PTPN13: variants seen among roughly 807,000 people sequenced by gnomAD.
The protein encoded by PTPN13 is protein tyrosine phosphatase non-receptor type 13.
Under a neutral mutation model 284.0 loss-of-function variants are expected in PTPN13, and 191 were observed. The observed-to-expected ratio is 0.67, with a 90% CI of 0.60 to 0.76. The LOEUF (loss-of-function observed/expected upper bound fraction) is 0.76, where lower values mean the gene tolerates loss of function less well. Ranked by LOEUF, PTPN13 falls within the 30% of genes least tolerant of loss-of-function variation. The probability of loss-of-function intolerance (pLI) is 0.00; values close to 1 mark genes in which losing one functional copy is unlikely to be tolerated. For missense variants in PTPN13, 2,797 were observed against 2,939.9 expected (o/e 0.95, Z 1.12); for synonymous variants, 986 against 1,022.3 (o/e 0.96, Z 0.68).
intron 7 of PTPN13, among the ~76,000 whole-genome samples, chr4:86,706,047 C>G (rs894764370): frequency 6.6e-6 from 1 of 152,150 alleles, no homozygotes; most frequent in African/African-American, 2.4e-5. Flanking sequence ...TCAGCATTTC[C>G]CCAGCTAACA....
intron 1 of PTPN13, among the ~76,000 whole-genome samples, chr4:86,602,354 T>C (rs1171779529): frequency 1.3e-5 from 2 of 152,146 alleles, no homozygotes; most frequent in African/African-American, 4.8e-5. Context: ...AAGCCTACTT[T>C]ATGGGATTGT....
intron 16 of PTPN13, 120 bp from the exon 17 acceptor site, chr4:86,744,846 A>C: frequency 1.3e-6 from 1 of 756,716 alleles, no homozygotes; most frequent in South Asian, 2.2e-5. Flanking sequence ...TTGTTAAGTG[A>C]TGCATGACTA....
chr4:86,668,547 A>C lies in PTPN13; in HGVS notation c.116-3818A>C, dbSNP rs1158765392. ...TCTTTAACTTTATTACAAGCCATTT[A>C]AAAAATCACATTTGAAAATATTTGT... On this transcript the variant is annotated intron_variant, in intron 2 of 47. Transcript: ENST00000411767. Among the ~76,000 whole-genome samples, 5 of 152,222 alleles carry C rather than the reference A, an allele frequency of 3.3e-5. No individual in the cohort carries two copies. The South Asian group carries it at 8.3e-4, about 25-fold the overall frequency.
intron 1 of PTPN13, among the ~76,000 whole-genome samples, chr4:86,613,752 A>G (rs957576351): frequency 2.6e-5 from 4 of 151,996 alleles, no homozygotes; most frequent in African/African-American, 4.8e-5. Flanking sequence ...TCTTTTTTGC[A>G]TCGCTAGACA....
intron 2 of PTPN13, among the ~76,000 whole-genome samples, chr4:86,638,249 C>A (rs1479641109): frequency 3.3e-5 from 5 of 152,140 alleles, no homozygotes; most frequent in Non-Finnish European, 5.9e-5. Flanking sequence ...AATGGCCATA[C>A]TGCCCAAGGT....
At chr4:86,723,884 T>C (rs1733940779) in intron 10 of PTPN13, among the ~76,000 whole-genome samples, 1 of 152,230 alleles carries the variant, frequency 6.6e-6, no homozygotes, top group Non-Finnish European at 1.5e-5. Flanking sequence ...GAAATTGTAT[T>C]ACCCTATACT....
chr4:86,694,360 C>G (rs958768605), intron 6 of PTPN13, among the ~76,000 whole-genome samples: 2 of 151,672 alleles, frequency 1.3e-5, no homozygotes, highest in African/African-American at 4.8e-5. Flanking sequence ...GTGGGCGGAT[C>G]ACCTGAGGTC....
At chr4:86,612,986 G>A (rs1163688528) in intron 1 of PTPN13, among the ~76,000 whole-genome samples, 1 of 152,096 alleles carries the variant, frequency 6.6e-6, no homozygotes, top group African/African-American at 2.4e-5. Context: ...AGTTGTTCAG[G>A]CAGTAGGGTA....
chr4:86,807,872 G>A lies in PTPN13; in HGVS notation c.7058G>A (p.Arg2353Lys). Reference sequence around the variant, plus strand: ...CAGCAGCTGAAGGGCTTTGTGGTGAGGGCAATGACCCTTGAAGATATTCAG... The same window carrying A: ...CAGCAGCTGAAGGGCTTTGTGGTGAAGGCAATGACCCTTGAAGATATTCAG... Reference protein sequence around the residue: ...RMQQLKGFVVRAMTLEDIQTR... With the variant: ...RMQQLKGFVVKAMTLEDIQTR... The change falls in exon 45 of 48, where the codon AGG becomes AAG. Residue 2353 changes from arginine (R) to lysine (K), a missense_variant. Arg to Lys is a conservative substitution (Grantham distance 26). Transcript: ENST00000411767. The A allele has an allele frequency of 6.2e-7, 1 of 1,613,468 alleles. No individual in the cohort carries two copies. Among genetic ancestry groups the A allele is most frequent in the Non-Finnish European group, 8.5e-7 (1 of 1,179,586 alleles).
intron 20 of PTPN13, among the ~76,000 whole-genome samples, chr4:86,754,554 G>T (rs1737761697): frequency 6.6e-6 from 1 of 151,960 alleles, no homozygotes; most frequent in South Asian, 2.1e-4. Context: ...AGGTCACAAA[G>T]TTAGCAGGTG....
At chr4:86,686,622 T>G (rs1415515857) in intron 3 of PTPN13, 88 bp from the exon 4 acceptor site, 1 of 866,154 alleles carries the variant, frequency 1.2e-6, no homozygotes, top group Admixed American at 2.7e-5. Flanking sequence ...ATATTTTCTT[T>G]GGAACAAAAT....
intron 45 of PTPN13, 109 bp from the exon 46 acceptor site, chr4:86,809,660 C>T (rs1461093056): frequency 2.0e-6 from 2 of 1,020,596 alleles, no homozygotes; most frequent in Non-Finnish European, 1.5e-6. Flanking sequence ...CACTGCACTC[C>T]AGCCTGGACA....
chr4:86,630,756 A>G (rs1722383153), intron 1 of PTPN13, among the ~76,000 whole-genome samples: 1 of 152,114 alleles, frequency 6.6e-6, no homozygotes, highest in East Asian at 1.9e-4. Context: ...TTCAAGTTAA[A>G]CATTCCTAAT....
At position 86,758,292 on chromosome 4, in the gene PTPN13, TCAC is replaced by T. The variant is rs749805766; in HGVS notation, c.3259_3261del (p.Pro1087del). 61 of 1,611,928 alleles carry T rather than the reference TCAC, an allele frequency of 3.8e-5. No individual in the cohort carries two copies. Among genetic ancestry groups the T allele is most frequent in the Middle Eastern group, 1.7e-4 (1 of 6,058 alleles). ...ACACAAAAGATGGAGCATAGTATCT[TCAC>T]CAGAAAGGGAGATCACCTTAGTGAA... On this transcript the variant is annotated inframe_deletion, in exon 21 of 48. Transcript: ENST00000411767.
intron 2 of PTPN13, among the ~76,000 whole-genome samples, chr4:86,641,642 C>G (rs1001247665): frequency 6.6e-6 from 1 of 152,122 alleles, no homozygotes; most frequent in African/African-American, 2.4e-5. Context: ...AAATGTAAAA[C>G]TTTTGATAAT....
intron 24 of PTPN13, among the ~76,000 whole-genome samples, chr4:86,763,893 G>A (rs1738986963): frequency 6.6e-6 from 1 of 152,114 alleles, no homozygotes; most frequent in Admixed American, 6.6e-5. Context: ...AAGGAGGAAG[G>A]GAGGGAGAGA....
chr4:86,662,808 T>C (rs1489241511), intron 2 of PTPN13, among the ~76,000 whole-genome samples: 1 of 152,232 alleles, frequency 6.6e-6, no homozygotes, highest in Non-Finnish European at 1.5e-5. Flanking sequence ...ATAATGCATT[T>C]GTATATCAGA....
chr4:86,729,464 C>G (rs1206851558), intron 10 of PTPN13, among the ~76,000 whole-genome samples: 6 of 149,734 alleles, frequency 4.0e-5, no homozygotes, highest in South Asian at 2.1e-4. Flanking sequence ...TTCCCTGTCA[C>G]TGTCAGGTAC....
chr4:86,626,254 T>C (rs1368036094), intron 1 of PTPN13, among the ~76,000 whole-genome samples: 1 of 152,154 alleles, frequency 6.6e-6, no homozygotes, highest in Non-Finnish European at 1.5e-5. Context: ...AGATAAGTAG[T>C]TGACATGAAC....
Sources: allele counts gnomAD v4.1 joint callset (sites outside exome capture counted in the v4.1 genomes callset), GRCh38; gene constraint gnomAD v4.1.1; transcripts MANE v1.5; gene names NCBI Gene and HGNC (gene_info 2026-07-23, HGNC 2026-07-21).